METTL22: variants seen among roughly 807,000 people sequenced by gnomAD.
METTL22 encodes methyltransferase-like protein 22.
In METTL22, 51 loss-of-function variants were observed where a neutral mutation model predicts 48.4. That is an observed-to-expected ratio of 1.05 (90% confidence interval 0.84 to 1.33). METTL22 has a LOEUF of 1.33. Among genes scored for constraint, METTL22 ranks in the 40% most tolerant of loss-of-function variants. The pLI is 0.00. For missense variants in METTL22, 678 were observed against 526.9 expected (o/e 1.29, Z -2.81); for synonymous variants, 255 against 214.1 (o/e 1.19, Z -1.67).
At chr16:8,643,676 C>T (rs549944472) in intron 9 of METTL22, among the ~76,000 whole-genome samples, 60 of 152,242 alleles carry the variant, frequency 3.9e-4, no homozygotes, top group Non-Finnish European at 4.9e-4. Context: ...TGTGATGGTG[C>T]GATCTCGGCT....
In METTL22 at chr16:8,639,109, T is replaced by G. The variant is rs762132574; in HGVS notation, c.719T>G (p.Leu240Trp). The G allele has an allele frequency of 4.3e-6, 7 of 1,613,994 alleles. No homozygotes were observed. Among genetic ancestry groups the G allele is most frequent in the Non-Finnish European group, 5.9e-6 (7 of 1,179,990 alleles). ...VYCTDVGADL[L>W]SMCQRNIALN... ...ATTCCAGATGTCGGTGCAGATCTCT[T>G]GTCCATGTGCCAGCGAAACATTGCC... is the stretch of plus-strand genomic sequence containing the variant. Residue 240 changes from leucine to tryptophan, a missense_variant, in exon 6 of 11, where the codon TTG becomes TGG. Leu to Trp is a moderately conservative substitution (Grantham distance 61). Coordinates refer to ENST00000381920, the MANE Select transcript of METTL22 (RefSeq NM_024109.4).
At chr16:8,632,473 T>G (rs1196769739) in intron 3 of METTL22, among the ~76,000 whole-genome samples, 1 of 152,210 alleles carries the variant, frequency 6.6e-6, no homozygotes, top group East Asian at 1.9e-4. Flanking sequence ...TCCAAAGTGC[T>G]GGGATTATAG....
At position 8,629,220 on chromosome 16, in the gene METTL22, G is replaced by A. The variant is rs552745960; in HGVS notation, c.514+110G>A. On this transcript the variant is annotated intron_variant, in intron 3 of 10. Transcript: ENST00000381920. ...GACTCTGCAGGCCCAGGCAGCACAGGTTATGAGAACCAGCTCGGGTGAGAC... is the reference window on the plus strand; with the variant it reads ...GACTCTGCAGGCCCAGGCAGCACAGATTATGAGAACCAGCTCGGGTGAGAC... 23 of 1,424,632 alleles carry A rather than the reference G, an allele frequency of 1.6e-5. No homozygotes were observed. The African/African-American group carries it at 2.1e-4, about 13-fold the overall frequency. The allele number at this position is 1,424,632 out of a possible 1,614,324, so 88.2% of individuals were successfully genotyped here. A position where few individuals can be genotyped will look rare whatever the true frequency, so the allele number is the denominator to read the frequency against.
At chr16:8,641,334 T>C in intron 7 of METTL22, 150 bp downstream of exon 7, 2 of 766,000 alleles carry the variant, frequency 2.6e-6, no homozygotes, top group Non-Finnish European at 4.6e-6. Context: ...CATTGGCCGA[T>C]GAGCACCAGC....
At chr16:8,629,233 G>A in intron 3 of METTL22, 123 bp downstream of exon 3, 1 of 1,295,982 alleles carries the variant, frequency 7.7e-7, no homozygotes, top group Non-Finnish European at 1.1e-6. Context: ...ATGAGAACCA[G>A]CTCGGGTGAG....
intron 6 of METTL22, among the ~76,000 whole-genome samples, chr16:8,639,898 A>G (rs2056543990): frequency 2.0e-5 from 3 of 151,448 alleles, no homozygotes; most frequent in African/African-American, 7.3e-5. Context: ...CCCACCACCA[A>G]CAGCCGACCT....
the METTL22 span, among the ~76,000 whole-genome samples, chr16:8,656,858 C>T: frequency 1.3e-5 from 2 of 152,258 alleles, no homozygotes; most frequent in Admixed American, 1.3e-4. Flanking sequence ...GGCCTTCTTG[C>T]TGCATGATAG....
the METTL22 span, among the ~76,000 whole-genome samples, chr16:8,660,888 AG>A: frequency 4.5e-4 from 55 of 122,500 alleles, no homozygotes; most frequent in African/African-American, 1.6e-3. Flanking sequence ...GAGGAGGAGG[AG>A]GAGGAGGAGG....
rs766462270 is a variant in METTL22 at position 8,647,840 on chromosome 16, A to G, written c.*1697A>G. The G allele has an allele frequency of 2.0e-5, 3 of 152,270 alleles. No homozygotes were observed. The highest frequency in any genetic ancestry group is 2.4e-5 in the African/African-American group (1 of 41,460). The allele number at this position is 152,270 out of a possible 1,614,324, so 9.4% of individuals were successfully genotyped here. A position where few individuals can be genotyped will look rare whatever the true frequency, so the allele number is the denominator to read the frequency against. On this transcript the variant is annotated 3_prime_UTR_variant, in exon 11 of 11. Coordinates refer to ENST00000381920, the MANE Select transcript of METTL22 (RefSeq NM_024109.4). ...AACCTAAAAGGCAGAAGTGATCCCTATTTTGCACATGAGAAATCCAAAATT... is the reference window on the plus strand; with the variant it reads ...AACCTAAAAGGCAGAAGTGATCCCTGTTTTGCACATGAGAAATCCAAAATT...
chr16:8,651,609 C>A (rs1011654214), downstream of METTL22, among the ~76,000 whole-genome samples: 1 of 152,028 alleles, frequency 6.6e-6, no homozygotes, highest in Non-Finnish European at 1.5e-5. Flanking sequence ...CTCCCTCTCT[C>A]TATAAATAAA....
chr16:8,643,438 T>C (rs1731004), intron 9 of METTL22, among the ~76,000 whole-genome samples: 150,401 of 152,302 alleles, frequency 0.99, 74,294 homozygotes, highest in Middle Eastern at 1. Flanking sequence ...GAAGAGGTCT[T>C]CATCTTCTTG....
At chr16:8,661,949 A>T in the METTL22 span, among the ~76,000 whole-genome samples, 1 of 145,274 alleles carries the variant, frequency 6.9e-6, no homozygotes, top group African/African-American at 2.6e-5. Context: ...AGGACTCAGA[A>T]GTAGCAAGAA....
chr16:8,637,990 A>AAG (rs1456201078), intron 5 of METTL22, among the ~76,000 whole-genome samples: 1 of 150,924 alleles, frequency 6.6e-6, no homozygotes, highest in African/African-American at 2.4e-5. Flanking sequence ...ATACAAAAAA[A>AAG]AAAAAAATTA....
downstream of METTL22, among the ~76,000 whole-genome samples, chr16:8,649,936 G>A (rs1217626488): frequency 6.6e-6 from 1 of 152,228 alleles, no homozygotes; most frequent in Non-Finnish European, 1.5e-5. Context: ...GTGGCCTGAT[G>A]CTGCAGTTTA....
At chr16:8,622,951 G>A (rs2055904933) in intron 1 of METTL22, among the ~76,000 whole-genome samples, 1 of 152,162 alleles carries the variant, frequency 6.6e-6, no homozygotes, top group Non-Finnish European at 1.5e-5. Context: ...AATTTGGTGT[G>A]TAATATTATG....
intron 5 of METTL22, among the ~76,000 whole-genome samples, chr16:8,636,969 A>G (rs1174541822): frequency 6.6e-6 from 1 of 152,244 alleles, no homozygotes; most frequent in Non-Finnish European, 1.5e-5. Flanking sequence ...ATCACACACA[A>G]CCATAGTACA....
At chr16:8,626,761 CTTT>C (rs34726811) in intron 2 of METTL22, among the ~76,000 whole-genome samples, 1 of 52,530 alleles carries the variant, frequency 1.9e-5, no homozygotes, top group Non-Finnish European at 3.2e-5. Context: ...GTCCTCTACT[CTTT>C]TTTTTTTTTT....
chr16:8,641,609 C>T, intron 7 of METTL22: 1 of 407,268 alleles, frequency 2.5e-6, no homozygotes, highest in South Asian at 1.8e-5. Context: ...CTACTTCAGA[C>T]CTGGGTGCTT....
chr16:8,639,944 G>A (rs920906025), intron 6 of METTL22, among the ~76,000 whole-genome samples: 18 of 151,816 alleles, frequency 1.2e-4, no homozygotes, highest in African/African-American at 3.6e-4. Context: ...CGAGTCCTTT[G>A]CCCTTGCTCT....
Sources: gnomAD v4.1 joint callset for allele counts (sites outside exome capture counted in the v4.1 genomes callset) on GRCh38, gnomAD v4.1.1 for gene constraint, MANE v1.5 for transcripts, NCBI Gene and HGNC (gene_info 2026-07-23, HGNC 2026-07-21) for gene names.